SSBP2: variants seen among roughly 807,000 people sequenced by gnomAD.
SSBP2 encodes the protein single stranded DNA binding protein 2, also known as single-stranded DNA-binding protein 2.
SSBP2 carries 17 observed loss-of-function variants against 61.8 expected under a neutral mutation model. The observed-to-expected ratio is 0.28, with a 90% CI of 0.19 to 0.41. The LOEUF (loss-of-function observed/expected upper bound fraction) is 0.41. Among genes scored for constraint, SSBP2 ranks in the 10% least tolerant of loss-of-function variants. SSBP2 has a pLI of 1.00. For synonymous variants in SSBP2, 139 were observed against 141.3 expected (o/e 0.98, Z 0.12); for missense variants, 310 against 458.7 (o/e 0.68, Z 2.96).
intron 5 of SSBP2, among the ~76,000 whole-genome samples, chr5:81,502,121 C>T (rs1767839944): frequency 1.3e-5 from 2 of 152,118 alleles, no homozygotes; most frequent in African/African-American, 4.8e-5. Flanking sequence ...CAATTTCTCT[C>T]CTCTCAGCTT....
chr5:81,718,375 C>T (rs770303667), intron 1 of SSBP2, among the ~76,000 whole-genome samples: 5 of 151,560 alleles, frequency 3.3e-5, no homozygotes, highest in South Asian at 2.1e-4. Context: ...AAAAAATAGC[C>T]GATAACAGTG....
intron 4 of SSBP2, among the ~76,000 whole-genome samples, chr5:81,544,568 A>C (rs1771583946): frequency 6.6e-6 from 1 of 152,242 alleles, no homozygotes; most frequent in Admixed American, 6.5e-5. Context: ...AAAGACATAA[A>C]AGGAAGGAAT....
chr5:81,668,971 T>C (rs1001222987), intron 1 of SSBP2, among the ~76,000 whole-genome samples: 4 of 152,182 alleles, frequency 2.6e-5, no homozygotes, highest in Non-Finnish European at 4.4e-5. Context: ...CTGGAATTTA[T>C]TCTAAAGAAA....
intron 1 of SSBP2, among the ~76,000 whole-genome samples, chr5:81,741,589 G>GA (rs781170506): frequency 7.6e-4 from 116 of 152,032 alleles, no homozygotes; most frequent in Non-Finnish European, 1.4e-3. Context: ...GTATAAAAGC[G>GA]AAAAAACCTT....
chr5:81,674,346 T>C (rs905482570), intron 1 of SSBP2, among the ~76,000 whole-genome samples: 1 of 152,176 alleles, frequency 6.6e-6, no homozygotes, highest in Admixed American at 6.5e-5. Flanking sequence ...ATTAAGAAGA[T>C]AAACTCTATT....
At chr5:81,530,021 T>C (rs191307860) in intron 4 of SSBP2, among the ~76,000 whole-genome samples, 1 of 151,862 alleles carries the variant, frequency 6.6e-6, no homozygotes, top group Non-Finnish European at 1.5e-5. Context: ...TAGACAGAGA[T>C]AGCGATACAG....
At chr5:81,691,315 C>T (rs1456532707) in intron 1 of SSBP2, among the ~76,000 whole-genome samples, 1 of 151,468 alleles carries the variant, frequency 6.6e-6, no homozygotes, top group East Asian at 1.9e-4. Context: ...TAAACCTTTA[C>T]CCAGACTAAG....
rs188738180 is a variant in SSBP2 at position 81,684,806 on chromosome 5, A to T, written c.63-34467T>A. 2.0e-5 allele frequency among the ~76,000 whole-genome samples: 3 copies of T among 152,288 alleles called. No homozygotes were observed. In the East Asian group the frequency reaches 5.8e-4, roughly 29 times the overall value. On this transcript the variant is annotated intron_variant, in intron 1 of 16. Coordinates refer to ENST00000320672, the MANE Select transcript of SSBP2 (RefSeq NM_012446.5). ...CTTTGGACTGTGGACTTTTGAGTTAATGCTGAATGAGTTAAGACTTGGGGG... is the reference window on the plus strand; with the variant it reads ...CTTTGGACTGTGGACTTTTGAGTTATTGCTGAATGAGTTAAGACTTGGGGG...
rs77098845 is a variant in SSBP2, at chr5:81,482,998, G to C, written c.432+6252C>G. On this transcript the variant is annotated intron_variant, in intron 6 of 16. Coordinates refer to ENST00000320672, the MANE Select transcript of SSBP2 (RefSeq NM_012446.5). Reference sequence around the variant, plus strand: ...CAGTTGGCCCAATTTCAATACTGTTGTGTCTCAGGGAATAGGGAAGTCAAG... The same window carrying C: ...CAGTTGGCCCAATTTCAATACTGTTCTGTCTCAGGGAATAGGGAAGTCAAG... Among the ~76,000 whole-genome samples the C allele has an allele frequency of 4.4e-3, 663 of 152,274 alleles. 5 individuals carry two copies. The highest frequency in any genetic ancestry group is 0.015 in the African/African-American group (614 of 41,544).
chr5:81,553,433 C>T lies in SSBP2; in HGVS notation c.283-39716G>A, dbSNP rs548076590. 9.9e-5 allele frequency among the ~76,000 whole-genome samples: 15 copies of T among 152,200 alleles called. 1 individual carries two copies. In the South Asian group the frequency reaches 3.1e-3, roughly 32 times the overall value. ...TCCACACACTACATACTAGCTACTC[C>T]CTAAACCCCAGACTTGGGCTGGACA... On this transcript the variant is annotated intron_variant, in intron 4 of 16. Coordinates refer to ENST00000320672, the MANE Select transcript of SSBP2 (RefSeq NM_012446.5).
In SSBP2 at chr5:81,425,792, C is replaced by T. The variant is rs539334159; in HGVS notation, c.1056+2793G>A. Among the ~76,000 whole-genome samples, 9 of 151,474 alleles carry T rather than the reference C, an allele frequency of 5.9e-5. No individual in the cohort carries two copies. In the South Asian group the frequency reaches 1.7e-3, roughly 28 times the overall value. ...TTTGTTTTGTCAAGCATGTTGGCAC[C>T]GCAAGGTTTATGACTTTGGGCTGGG... On this transcript the variant is annotated intron_variant, in intron 16 of 16. Transcript: ENST00000320672.
At chr5:81,708,204 C>A (rs1188922857) in intron 1 of SSBP2, among the ~76,000 whole-genome samples, 1 of 152,056 alleles carries the variant, frequency 6.6e-6, no homozygotes, top group African/African-American at 2.4e-5. Context: ...AGCTCAAAGA[C>A]AGGGTCTCTG....
intron 1 of SSBP2, among the ~76,000 whole-genome samples, chr5:81,712,294 A>G (rs1347818413): frequency 1.3e-5 from 2 of 151,844 alleles, no homozygotes; most frequent in Non-Finnish European, 2.9e-5. Context: ...ACAGTTAAGA[A>G]TATGCCTTTG....
chr5:81,518,006 T>A (rs1057328776), intron 4 of SSBP2, among the ~76,000 whole-genome samples: 4 of 152,088 alleles, frequency 2.6e-5, no homozygotes, highest in Non-Finnish European at 5.9e-5. Flanking sequence ...TAAACACAAT[T>A]AGCATTTATC....
chr5:81,605,196 C>T (rs985374346), intron 4 of SSBP2, among the ~76,000 whole-genome samples: 2 of 152,050 alleles, frequency 1.3e-5, no homozygotes, highest in Non-Finnish European at 2.9e-5. Context: ...TGCTCTTATT[C>T]TTGACAGCAC....
intron 1 of SSBP2, among the ~76,000 whole-genome samples, chr5:81,740,689 T>C (rs1168988519): frequency 6.6e-6 from 1 of 152,168 alleles, no homozygotes; most frequent in African/African-American, 2.4e-5. Flanking sequence ...TAAAGTAACT[T>C]ATGCCGGATT....
At chr5:81,470,671 T>A (rs1173250480) in intron 8 of SSBP2, among the ~76,000 whole-genome samples, 2 of 151,956 alleles carry the variant, frequency 1.3e-5, no homozygotes, top group Non-Finnish European at 2.9e-5. Context: ...AACATCTATG[T>A]TAAAAAAGAA....
At chr5:81,471,814 G>A (rs1765262925) in intron 8 of SSBP2, among the ~76,000 whole-genome samples, 1 of 151,628 alleles carries the variant, frequency 6.6e-6, no homozygotes, top group African/African-American at 2.4e-5. Flanking sequence ...CCTTGGAACT[G>A]TATTTATATG....
chr5:81,473,375 T>A (rs554392235), intron 8 of SSBP2, among the ~76,000 whole-genome samples: 4 of 152,186 alleles, frequency 2.6e-5, no homozygotes, highest in Non-Finnish European at 5.9e-5. Flanking sequence ...CCCACATGCA[T>A]TAGCGATTTG....
Sources: allele counts gnomAD v4.1 joint callset (sites outside exome capture counted in the v4.1 genomes callset), GRCh38; gene constraint gnomAD v4.1.1; transcripts MANE v1.5; gene names NCBI Gene and HGNC (gene_info 2026-07-23, HGNC 2026-07-21).